Variants in LARGE1 observed in about 807,000 individuals in gnomAD.
LARGE1 encodes the protein xylosyl- and glucuronyltransferase LARGE1.
Under a neutral mutation model 87.6 loss-of-function variants are expected in LARGE1, and 43 were observed. The ratio of observed to expected loss-of-function variants is 0.49; its 90% CI spans 0.38 to 0.63. The LOEUF (loss-of-function observed/expected upper bound fraction) is 0.63. Among genes scored for constraint, LARGE1 ranks in the 30% least tolerant of loss-of-function variants. The pLI, the probability that LARGE1 is intolerant of heterozygous loss-of-function variation, is 0.00. For synonymous variants in LARGE1, 434 were observed against 394.6 expected (o/e 1.10, Z -1.18); for missense variants, 802 against 1,000.2 (o/e 0.80, Z 2.67).
At chr22:33,430,691 CT>C (rs770139230) in intron 7 of LARGE1, among the ~76,000 whole-genome samples, 2 of 152,352 alleles carry the variant, frequency 1.3e-5, no homozygotes, top group Non-Finnish European at 2.9e-5. Flanking sequence ...GGCTCCCTGG[CT>C]GCCTGCCACC....
intron 8 of LARGE1, 113 bp downstream of exon 8, chr22:33,384,079 C>T (rs2065245853): frequency 1.2e-6 from 1 of 822,004 alleles, no homozygotes; most frequent in African/African-American, 1.7e-5. Flanking sequence ...TCAGAGCACA[C>T]AGAGTCACAC....
chr22:33,911,941 C>T (rs576527995), intron 1 of LARGE1, among the ~76,000 whole-genome samples: 1 of 152,314 alleles, frequency 6.6e-6, no homozygotes, highest in East Asian at 1.9e-4. Context: ...CCCGCATCAC[C>T]TCCACCCCAG....
intron 3 of LARGE1, among the ~76,000 whole-genome samples, chr22:33,644,601 AG>A (rs2080548528): frequency 6.6e-6 from 1 of 152,214 alleles, no homozygotes; most frequent in Admixed American, 6.5e-5. Flanking sequence ...GTATTCAAAC[AG>A]GAAGTAAGGA....
intron 7 of LARGE1, among the ~76,000 whole-genome samples, chr22:33,408,097 C>T (rs948363574): frequency 4.6e-5 from 7 of 151,880 alleles, no homozygotes; most frequent in East Asian, 3.9e-4. Context: ...TCTCCTGCCT[C>T]AGCCTCCTAA....
At chr22:33,629,028 T>C (rs1602819937) in intron 3 of LARGE1, among the ~76,000 whole-genome samples, 1 of 152,282 alleles carries the variant, frequency 6.6e-6, no homozygotes, top group African/African-American at 2.4e-5. Flanking sequence ...TGAAGCAAAA[T>C]GAAGCAATGT....
intron 1 of LARGE1, among the ~76,000 whole-genome samples, chr22:33,843,870 C>G (rs2063352260): frequency 6.6e-6 from 1 of 151,956 alleles, no homozygotes; most frequent in African/African-American, 2.4e-5. Flanking sequence ...CTGAAGTCAG[C>G]AGTTCGAGAC....
intron 5 of LARGE1, among the ~76,000 whole-genome samples, chr22:33,599,861 T>A (rs2079070721): frequency 6.6e-6 from 1 of 152,202 alleles, no homozygotes; most frequent in Non-Finnish European, 1.5e-5. Flanking sequence ...TCCATTTCTC[T>A]CCTGTTCTTC....
chr22:33,614,472 G>C (rs1233107927), intron 4 of LARGE1, among the ~76,000 whole-genome samples: 1 of 151,984 alleles, frequency 6.6e-6, no homozygotes, highest in East Asian at 1.9e-4. Context: ...ATAAGCCCCA[G>C]CCTCTCGCAT....
intron 5 of LARGE1, among the ~76,000 whole-genome samples, chr22:33,566,042 A>T (rs1375122148): frequency 1.3e-5 from 2 of 152,212 alleles, no homozygotes; most frequent in African/African-American, 2.4e-5. Flanking sequence ...AACAGGGAAC[A>T]TGGCCACCTT....
At chr22:33,579,522 G>C (rs207477965) in intron 5 of LARGE1, among the ~76,000 whole-genome samples, 2 of 152,178 alleles carry the variant, frequency 1.3e-5, no homozygotes, top group South Asian at 2.1e-4. Context: ...TCCTGAGCAG[G>C]AGCCAAGTGG....
At chr22:33,097,226 G>T in the LARGE1 span, among the ~76,000 whole-genome samples, 1 of 152,188 alleles carries the variant, frequency 6.6e-6, no homozygotes, top group African/African-American at 2.4e-5. Flanking sequence ...ACATTCAGGG[G>T]ATTAGAAAAG....
intron 2 of LARGE1, among the ~76,000 whole-genome samples, chr22:33,659,505 C>T (rs1040462599): frequency 1.5e-4 from 23 of 152,088 alleles, no homozygotes; most frequent in Admixed American, 3.9e-4. Flanking sequence ...CAGCAAGACA[C>T]AGGTCCAGGC....
At chr22:33,620,843 G>C (rs574278405) in intron 4 of LARGE1, among the ~76,000 whole-genome samples, 45 of 152,290 alleles carry the variant, frequency 3.0e-4, no homozygotes, top group East Asian at 7.7e-4. Context: ...CTTGAACCCA[G>C]GAAGTGGAGG....
intron 12 of LARGE1, among the ~76,000 whole-genome samples, chr22:33,299,196 G>C (rs1450953965): frequency 6.6e-6 from 1 of 151,766 alleles, no homozygotes; most frequent in Non-Finnish European, 1.5e-5. Flanking sequence ...CTGAGCAACA[G>C]AGTGAGAGAG....
intron 1 of LARGE1, among the ~76,000 whole-genome samples, chr22:33,894,345 A>G (rs1348247301): frequency 6.6e-6 from 1 of 152,130 alleles, no homozygotes; most frequent in Non-Finnish European, 1.5e-5. Context: ...CATCAGTTAA[A>G]GCTTTCCAGA....
At chr22:33,779,200 T>C (rs444993) in intron 1 of LARGE1, among the ~76,000 whole-genome samples, 137,489 of 152,244 alleles carry the variant, frequency 0.9, 62,177 homozygotes, top group East Asian at 0.97. Context: ...TTTCTAGAAT[T>C]TAGCACATAA....
intron 12 of LARGE1, among the ~76,000 whole-genome samples, chr22:33,300,496 C>T (rs1934001979): frequency 6.6e-6 from 1 of 152,216 alleles, no homozygotes; most frequent in African/African-American, 2.4e-5. Flanking sequence ...CTGTCTCAAC[C>T]TCCCAAGTCG....
intron 6 of LARGE1, among the ~76,000 whole-genome samples, chr22:33,556,878 C>T (rs189290728): frequency 5.2e-4 from 79 of 152,082 alleles, no homozygotes; most frequent in East Asian, 3.9e-3. Context: ...TGGTGGTGCA[C>T]GCCTGTAGTC....
At chr22:33,687,194 C>T (rs909117246) in intron 2 of LARGE1, among the ~76,000 whole-genome samples, 4 of 150,336 alleles carry the variant, frequency 2.7e-5, no homozygotes, top group African/African-American at 9.8e-5. Context: ...GGGGTTCTGC[C>T]ACATTACCCA....
Sources: allele counts gnomAD v4.1 joint callset (sites outside exome capture counted in the v4.1 genomes callset), GRCh38; gene constraint gnomAD v4.1.1; transcripts MANE v1.5; gene names NCBI Gene and HGNC (gene_info 2026-07-23, HGNC 2026-07-21).